POLR3E: variants seen among roughly 807,000 people sequenced by gnomAD.
POLR3E encodes the protein DNA-directed RNA polymerase III subunit RPC5.
A neutral mutation model predicts 96.6 loss-of-function variants in POLR3E; 41 were observed. The observed-to-expected ratio is 0.42, with a 90% CI of 0.33 to 0.55. The LOEUF is 0.55. Among genes scored for constraint, POLR3E ranks in the 20% least tolerant of loss-of-function variants. POLR3E has a pLI of 0.06. For synonymous variants in POLR3E, 396 were observed against 383.6 expected, an observed-to-expected ratio of 1.03 and a Z score of -0.38; for missense variants, 849 against 952.1, an observed-to-expected ratio of 0.89 and a Z score of 1.43.
Position 22,318,728 on chromosome 16 carries a change from G to A in POLR3E, c.866-98G>A. On this transcript the variant is annotated intron_variant, in intron 12 of 20. Transcript: ENST00000299853. The surrounding 1 kb of genome is among the most constrained non-coding windows in gnomAD (Gnocchi z 5.0). ...ATTACTGTTAGTTATCACATTCTGG[G>A]GTTATTACATGAACTTGAAGCTATG... is the stretch of plus-strand genomic sequence containing the variant. The A allele has an allele frequency of 7.8e-7, 1 of 1,288,782 alleles. No homozygotes were observed. Among genetic ancestry groups the A allele is most frequent in the Non-Finnish European group, 1.1e-6 (1 of 915,258 alleles). The allele number at this position is 1,288,782 out of a possible 1,614,324, so 79.8% of individuals were successfully genotyped here. A position where few individuals can be genotyped will look rare whatever the true frequency, so the allele number is the denominator to read the frequency against.
At position 22,314,223 on chromosome 16, in the gene POLR3E, C is replaced by G. The variant is rs1008778919; in HGVS notation, c.522+95C>G. On this transcript the variant is annotated intron_variant, in intron 8 of 20. Transcript: ENST00000299853. ...GGGTCTTCACAGAATGCAGGTGGAG[C>G]AGACAGGGCCCATGCTTTTGAGCCT... 5 of 943,134 alleles carry G rather than the reference C, an allele frequency of 5.3e-6. No individual in the cohort carries two copies. In the Admixed American group the frequency reaches 5.8e-5, roughly 11 times the overall value. The allele number at this position is 943,134 out of a possible 1,614,324, so 58.4% of individuals were successfully genotyped here.
At chr16:22,308,333 C>A in intron 4 of POLR3E, 108 bp downstream of exon 4, 1 of 825,344 alleles carries the variant, frequency 1.2e-6, no homozygotes, top group Non-Finnish European at 2.1e-6. Context: ...AGTAGGAGAA[C>A]CAGCAACTCC....
At chr16:22,331,644 C>T (rs374032527) in intron 19 of POLR3E, 1 of 154,818 alleles carries the variant, frequency 6.5e-6, no homozygotes, top group African/African-American at 2.4e-5. Flanking sequence ...TGCATTAAGA[C>T]TTCACACCAA....
intron 1 of POLR3E, among the ~76,000 whole-genome samples, chr16:22,298,730 C>T (rs1051430756): frequency 1.3e-5 from 2 of 152,196 alleles, no homozygotes; most frequent in East Asian, 3.8e-4. Flanking sequence ...TTGCTTATAT[C>T]TGAACCTCAG....
chr16:22,301,916 C>T (rs1183940758), intron 1 of POLR3E, among the ~76,000 whole-genome samples: 2 of 149,888 alleles, frequency 1.3e-5, no homozygotes, highest in African/African-American at 2.5e-5. Context: ...AGCAAGACTC[C>T]GTCTCAAGAA....
intron 13 of POLR3E, among the ~76,000 whole-genome samples, chr16:22,319,305 C>G (rs536872248): frequency 6.6e-6 from 1 of 152,134 alleles, no homozygotes; most frequent in African/African-American, 2.4e-5. Context: ...AGCATTTGGT[C>G]CTTTTAAATT....
At position 22,309,525 on chromosome 16, in the gene POLR3E, G is replaced by T; in HGVS notation, c.364+15G>T. Reference sequence around the variant, plus strand: ...CTACAGGCAAGGTACCCGGGGCTGGGTGTCCCGCGGTGGGGACATGGCATT... The same window carrying T: ...CTACAGGCAAGGTACCCGGGGCTGGTTGTCCCGCGGTGGGGACATGGCATT... On this transcript the variant is annotated intron_variant, in intron 6 of 20. Coordinates refer to ENST00000299853, the MANE Select transcript of POLR3E (RefSeq NM_018119.4). 4 of 1,588,036 alleles carry T rather than the reference G, an allele frequency of 2.5e-6. No homozygotes were observed. Among genetic ancestry groups the T allele is most frequent in the Non-Finnish European group, 3.5e-6 (4 of 1,156,672 alleles).
At chr16:22,299,409 A>G (rs1030714872) in intron 1 of POLR3E, among the ~76,000 whole-genome samples, 1 of 124,322 alleles carries the variant, frequency 8.0e-6, no homozygotes, top group Non-Finnish European at 1.7e-5. Flanking sequence ...AATATGATTT[A>G]CTTTTTTTTT....
intron 3 of POLR3E, 101 bp from the exon 4 acceptor site, chr16:22,308,047 T>C: frequency 1.2e-6 from 1 of 833,656 alleles, no homozygotes; most frequent in Non-Finnish European, 2.0e-6. Flanking sequence ...GGCCAGTCTC[T>C]GCTTGGGGTG....
At position 22,309,515 on chromosome 16, in the gene POLR3E, C is replaced by T. The variant is rs1598245624; in HGVS notation, c.364+5C>T. ...CCGCTGCACTCTACAGGCAAGGTAC[C>T]CGGGGCTGGGTGTCCCGCGGTGGGG... On this transcript the variant is annotated splice_donor_5th_base_variant and intron_variant, in intron 6 of 20. Coordinates refer to ENST00000299853, the MANE Select transcript of POLR3E (RefSeq NM_018119.4). The T allele has an allele frequency of 6.2e-7, 1 of 1,610,028 alleles. No homozygotes were observed. Among genetic ancestry groups the T allele is most frequent in the African/African-American group, 1.3e-5 (1 of 74,856 alleles).
intron 2 of POLR3E, among the ~76,000 whole-genome samples, chr16:22,303,917 T>G (rs1281573002): frequency 1.3e-5 from 2 of 151,040 alleles, no homozygotes; most frequent in Non-Finnish European, 2.9e-5. Flanking sequence ...TTCAAACGAT[T>G]CTTGTGCCTC....
At chr16:22,305,362 T>C (rs775618637) in intron 3 of POLR3E, 156 bp downstream of exon 3, 1 of 717,728 alleles carries the variant, frequency 1.4e-6, no homozygotes, top group East Asian at 2.6e-5. Context: ...TGGGTTAATA[T>C]TGGTCTCATT....
intron 18 of POLR3E, 123 bp from the exon 19 acceptor site, chr16:22,328,387 C>T: frequency 1.3e-6 from 1 of 783,856 alleles, no homozygotes; most frequent in South Asian, 1.5e-5. Context: ...TGGTGAGTAG[C>T]AGAAGCTGGG....
rs2048304063 is a variant in POLR3E at position 22,314,066 on chromosome 16, GTC to G, written c.473-7_473-6del. 22 of 1,608,450 alleles carry G rather than the reference GTC, an allele frequency of 1.4e-5. No individual in the cohort carries two copies. Among genetic ancestry groups the G allele is most frequent in the Non-Finnish European group, 1.8e-5 (21 of 1,177,772 alleles). On this transcript the variant is annotated splice_polypyrimidine_tract_variant and intron_variant, in intron 7 of 20. Transcript: ENST00000299853. ...TCCCCAGGACTGCAGTCAGTGGCTT[GTC>G]TCTCTTGCAGCAGGGGACTCTTCAC...
Position 22,325,169 on chromosome 16 carries a change from G to A in POLR3E, c.1287-36G>A, listed in dbSNP as rs368577987. 1.0e-5 allele frequency: 15 copies of A among 1,502,954 alleles called. No homozygotes were observed. The African/African-American group carries it at 1.1e-4, about 11-fold the overall frequency. 93.1% of individuals were successfully genotyped at this position (1,502,954 alleles called of 1,614,324 possible). On this transcript the variant is annotated intron_variant, in intron 16 of 20. Coordinates refer to ENST00000299853, the MANE Select transcript of POLR3E (RefSeq NM_018119.4). ...TCTTGTGAAGCAGATGGTAGGGGAC[G>A]TGGTTTAAAGTTAATGGGGTTACTC... is the stretch of plus-strand genomic sequence containing the variant.
At chr16:22,328,738 C>G in intron 19 of POLR3E, 151 bp downstream of exon 19, 1 of 663,548 alleles carries the variant, frequency 1.5e-6, no homozygotes, top group South Asian at 1.7e-5. Context: ...CAACTCTGTA[C>G]GCTAACAAAA....
intron 6 of POLR3E, chr16:22,309,753 C>T (rs1309298781): frequency 5.2e-6 from 3 of 572,828 alleles, no homozygotes; most frequent in Middle Eastern, 4.7e-4. Context: ...TTCATTTGTC[C>T]TCCCGGGACA....
chr16:22,330,004 G>A (rs1486048595), intron 19 of POLR3E, among the ~76,000 whole-genome samples: 1 of 150,624 alleles, frequency 6.6e-6, no homozygotes, highest in Non-Finnish European at 1.5e-5. Flanking sequence ...TGTGGTGGAT[G>A]AGATTTAGCT....
chr16:22,309,128 C>A, intron 5 of POLR3E, 88 bp downstream of exon 5: 2 of 904,502 alleles, frequency 2.2e-6, no homozygotes, highest in Admixed American at 2.1e-5. Context: ...CCCCTTTGCC[C>A]CGTCACTGGG....
Sources: allele counts gnomAD v4.1 joint callset (sites outside exome capture counted in the v4.1 genomes callset), GRCh38; gene constraint gnomAD v4.1.1; non-coding constraint Gnocchi (gnomAD v3.1); transcripts MANE v1.5; gene names NCBI Gene and HGNC (gene_info 2026-07-23, HGNC 2026-07-21).